Variants in LEF1 observed in about 807,000 individuals in gnomAD.
LEF1 encodes lymphoid enhancer binding factor 1.
Under a neutral mutation model 51.2 loss-of-function variants are expected in LEF1, and 14 were observed. The ratio of observed to expected loss-of-function variants is 0.27; its 90% confidence interval spans 0.18 to 0.43. The LOEUF (loss-of-function observed/expected upper bound fraction) is 0.43, where lower values mean the gene tolerates loss of function less well. LEF1 is among the 20% of genes least tolerant of loss of function. The pLI is 1.00. For synonymous variants in LEF1, 185 were observed against 183.2 expected, an observed-to-expected ratio of 1.01 and a Z score of -0.08; for missense variants, 386 against 512.0, an observed-to-expected ratio of 0.75 and a Z score of 2.37.
intron 5 of LEF1, among the ~76,000 whole-genome samples, chr4:108,081,903 A>G (rs1739332026): frequency 6.6e-6 from 1 of 152,162 alleles, no homozygotes; most frequent in African/African-American, 2.4e-5. Context: ...CAAACCATCC[A>G]TGAATTACAT....
At chr4:108,119,892 A>T (rs1742054770) in intron 3 of LEF1, among the ~76,000 whole-genome samples, 1 of 152,194 alleles carries the variant, frequency 6.6e-6, no homozygotes, top group African/African-American at 2.4e-5. Context: ...AAATTAAAAA[A>T]TATTTATTAA....
intron 11 of LEF1, among the ~76,000 whole-genome samples, chr4:108,056,792 G>A (rs565180012): frequency 1.3e-5 from 2 of 152,052 alleles, no homozygotes; most frequent in South Asian, 4.1e-4. Context: ...CTCCTATGCA[G>A]CGATCTGGCA....
intron 3 of LEF1, among the ~76,000 whole-genome samples, chr4:108,159,844 TA>T (rs1744957368): frequency 6.6e-6 from 1 of 152,140 alleles, no homozygotes; most frequent in South Asian, 2.1e-4. Context: ...ATTTCTACTT[TA>T]AAAAAATAAA....
intron 3 of LEF1, among the ~76,000 whole-genome samples, chr4:108,152,380 G>A (rs1480002758): frequency 2.0e-5 from 3 of 152,162 alleles, no homozygotes; most frequent in Non-Finnish European, 4.4e-5. Context: ...TCCAGGGTGT[G>A]GAAAGCTTTT....
chr4:108,066,535 C>G (rs538381330), intron 9 of LEF1, among the ~76,000 whole-genome samples: 118 of 152,298 alleles, frequency 7.7e-4, no homozygotes, highest in South Asian at 7.7e-3. Context: ...CACGCTCCCC[C>G]ACTCACACAT....
intron 3 of LEF1, among the ~76,000 whole-genome samples, chr4:108,155,459 G>T (rs1578404977): frequency 6.6e-6 from 1 of 152,300 alleles, no homozygotes; most frequent in East Asian, 1.9e-4. Flanking sequence ...CTAAAGGTTT[G>T]TGTAAGGCCT....
chr4:108,127,688 G>A (rs78501073), intron 3 of LEF1, among the ~76,000 whole-genome samples: 9 of 152,214 alleles, frequency 5.9e-5, no homozygotes, highest in African/African-American at 2.2e-4. Context: ...ATAAATTATC[G>A]TGACTGTAGG....
intron 3 of LEF1, among the ~76,000 whole-genome samples, chr4:108,098,111 G>C (rs967922738): frequency 6.6e-6 from 1 of 152,102 alleles, no homozygotes; most frequent in African/African-American, 2.4e-5. Flanking sequence ...AAGGTTTTCT[G>C]GTGCTGGTCT....
intron 11 of LEF1, among the ~76,000 whole-genome samples, chr4:108,055,452 C>T (rs7377757): frequency 0.87 from 132,587 of 152,180 alleles, 58,300 homozygotes; most frequent in East Asian, 0.97. Flanking sequence ...TCCAAAAGTG[C>T]TTTGAAAAAT....
intron 3 of LEF1, among the ~76,000 whole-genome samples, chr4:108,099,604 ATATATATATATAT>A (rs1560789360): frequency 8.0e-6 from 1 of 124,928 alleles, no homozygotes; most frequent in African/African-American, 2.8e-5. Context: ...ATATATATAT[ATATATATATATAT>A]AAATAATACT....
intron 1 of LEF1, among the ~76,000 whole-genome samples, chr4:108,165,946 C>T (rs1333732853): frequency 6.6e-6 from 1 of 152,120 alleles, no homozygotes; most frequent in Admixed American, 6.5e-5. Context: ...GTCCTTCACC[C>T]GGACCAGAAA....
intron 3 of LEF1, among the ~76,000 whole-genome samples, chr4:108,113,231 A>G (rs2110318896): frequency 6.6e-6 from 1 of 152,368 alleles, no homozygotes; most frequent in African/African-American, 2.4e-5. Context: ...AAAGAAAGCT[A>G]CATGGAACCA....
chr4:108,167,672 A>G lies in LEF1; in HGVS notation c.96T>C (p.Pro32=). ...TCTCGGCGAAGATCTTTTCCTTCTGAGGATCGCCCTCGTCCTTGAAGGGGA... is the reference window on the plus strand; with the variant it reads ...TCTCGGCGAAGATCTTTTCCTTCTGGGGATCGCCCTCGTCCTTGAAGGGGA... ...EMIPFKDEGD[P]QKEKIFAEIS... Residue 32 remains proline (P), a synonymous_variant, in exon 1 of 12, where the codon CCT becomes CCC. Transcript: ENST00000265165. The surrounding 1 kb of genome is among the most constrained non-coding windows in gnomAD (Gnocchi z 5.7). The G allele has an allele frequency of 6.2e-7, 1 of 1,614,116 alleles. No individual in the cohort carries two copies. The highest frequency in any genetic ancestry group is 8.5e-7 in the Non-Finnish European group (1 of 1,180,004).
At chr4:108,092,049 A>G (rs1335770868) in intron 3 of LEF1, among the ~76,000 whole-genome samples, 1 of 152,226 alleles carries the variant, frequency 6.6e-6, no homozygotes, top group African/African-American at 2.4e-5. Flanking sequence ...TTGCATTAGC[A>G]GGCAGCATCT....
intron 3 of LEF1, among the ~76,000 whole-genome samples, chr4:108,103,338 T>A (rs532699930): frequency 6.6e-6 from 1 of 152,366 alleles, no homozygotes; most frequent in African/African-American, 2.4e-5. Flanking sequence ...GACAAGCTGA[T>A]AAATGGGATG....
At chr4:108,119,886 T>TA (rs1298170451) in intron 3 of LEF1, among the ~76,000 whole-genome samples, 1 of 152,106 alleles carries the variant, frequency 6.6e-6, no homozygotes, top group Non-Finnish European at 1.5e-5. Flanking sequence ...CTGAGAAAAT[T>TA]AAAAAATATT....
intron 3 of LEF1, among the ~76,000 whole-genome samples, chr4:108,133,294 G>A (rs1425590065): frequency 6.6e-6 from 1 of 152,170 alleles, no homozygotes; most frequent in Non-Finnish European, 1.5e-5. Context: ...AAACCACTGG[G>A]TTAGATCAAC....
In LEF1 at chr4:108,089,288, T is replaced by C. The variant is rs763752706; in HGVS notation, c.415-31A>G. On this transcript the variant is annotated intron_variant, in intron 3 of 11. Coordinates refer to ENST00000265165, the MANE Select transcript of LEF1 (RefSeq NM_016269.5). ...AAGTAACCACAAGGTCAATAGTTAATATGGATGCCCAGCTCCAGTCTTTTC... is the reference window on the plus strand; with the variant it reads ...AAGTAACCACAAGGTCAATAGTTAACATGGATGCCCAGCTCCAGTCTTTTC... 5 of 1,602,188 alleles carry C rather than the reference T, an allele frequency of 3.1e-6. No homozygotes were observed. The South Asian group carries it at 4.4e-5, about 14-fold the overall frequency.
chr4:108,078,441 G>A, intron 7 of LEF1, 59 bp from the exon 8 acceptor site: 2 of 1,609,408 alleles, frequency 1.2e-6, no homozygotes, highest in Non-Finnish European at 1.7e-6. Flanking sequence ...GGAAGGGATG[G>A]GGGAGGAGAA....
Sources: allele counts gnomAD v4.1 joint callset (sites outside exome capture counted in the v4.1 genomes callset), GRCh38; gene constraint gnomAD v4.1.1; non-coding constraint Gnocchi (gnomAD v3.1); transcripts MANE v1.5; gene names NCBI Gene and HGNC (gene_info 2026-07-23, HGNC 2026-07-21).